The following ZNF66 variants were observed in gnomAD, a reference collection of about 807,000 sequenced individuals.
ZNF66 encodes putative zinc finger protein 66.
ZNF66 carries 32 observed loss-of-function variants against 35.2 expected under a neutral mutation model. The observed-to-expected ratio is 0.91, with a 90% CI of 0.69 to 1.22. The LOEUF (loss-of-function observed/expected upper bound fraction) is 1.22, where lower values mean the gene tolerates loss of function less well. Ranked by LOEUF, ZNF66 falls within the 50% of genes most tolerant of loss-of-function variation. The probability of loss-of-function intolerance (pLI) is 0.00; values close to 1 mark genes in which losing one functional copy is unlikely to be tolerated. For synonymous variants in ZNF66, 231 were observed against 181.3 expected (o/e 1.27, Z -2.20); for missense variants, 666 against 543.1 (o/e 1.23, Z -2.25).
At chr19:20,784,764 C>T (rs931730314) in intron 1 of ZNF66, 4 of 152,206 alleles carry the variant, frequency 2.6e-5, no homozygotes, top group Admixed American at 1.3e-4. Flanking sequence ...AGTAGCTATA[C>T]ACTTTGAGTG....
At chr19:20,777,220 A>C (rs1971203693) in intron 1 of ZNF66, among the ~76,000 whole-genome samples, 1 of 151,724 alleles carries the variant, frequency 6.6e-6, no homozygotes, top group African/African-American at 2.4e-5. Flanking sequence ...TATAGTTTGT[A>C]GTTTGTGGTC....
At chr19:20,798,964 G>A (rs1971420760) in intron 3 of ZNF66, 1 of 151,892 alleles carries the variant, frequency 6.6e-6, no homozygotes, top group Non-Finnish European at 1.5e-5. Context: ...TGTGAATACT[G>A]GTACAAAATA....
rs60295293 is a variant in ZNF66, at chr19:20,805,126, T to TGAGAGA, written c.227-681_227-676dup. 8.8e-4 allele frequency among the ~76,000 whole-genome samples: 128 copies of TGAGAGA among 146,082 alleles called. 1 individual carries two copies. Among genetic ancestry groups the TGAGAGA allele is most frequent in the African/African-American group, 3.1e-3 (122 of 39,536 alleles). ...TTACATTTGTGTGTGTGTGTGTGTG[T>TGAGAGA]GAGAGAGAGAGAGAGAGAGAGAGAG... is the stretch of plus-strand genomic sequence containing the variant. On this transcript the variant is annotated intron_variant, in intron 3 of 3. Transcript: ENST00000344519.
At position 20,793,765 on chromosome 19, in the gene ZNF66, T is replaced by C. The variant is rs777407457; in HGVS notation, c.131-18T>C. 6 of 895,708 alleles carry C rather than the reference T, an allele frequency of 6.7e-6. No individual in the cohort carries two copies. In the South Asian group the frequency reaches 1.1e-4, roughly 16 times the overall value. 55.5% of individuals were successfully genotyped at this position (895,708 alleles called of 1,614,324 possible). ...AGAATGTGAGCAAGATTCATGTTAT[T>C]TATTTTTGATAAAACAGGTATTGTT... On this transcript the variant is annotated intron_variant, in intron 2 of 3. Transcript: ENST00000344519.
Position 20,781,071 on chromosome 19 carries a change from A to G in ZNF66, c.3+4621A>G, listed in dbSNP as rs149290715. ...AGATGCTAAATCTGCAGCAGCAACC[A>G]GTTTTCTCCACCAACCTACCATTTT... On this transcript the variant is annotated intron_variant, in intron 1 of 3. Coordinates refer to ENST00000344519, the MANE Select transcript of ZNF66 (RefSeq NM_001355197.2). Among the ~76,000 whole-genome samples, 887 of 152,248 alleles carry G rather than the reference A, an allele frequency of 5.8e-3. 25 individuals are homozygous for G. The highest frequency in any genetic ancestry group is 0.037 in the Admixed American group (559 of 15,282).
chr19:20,802,441 G>C (rs1393546266), intron 3 of ZNF66, among the ~76,000 whole-genome samples: 2 of 151,730 alleles, frequency 1.3e-5, no homozygotes, highest in African/African-American at 2.4e-5. Flanking sequence ...CCAGTTTTCT[G>C]AACAAGTGCA....
rs1015338756 is a variant in ZNF66 at position 20,807,096 on chromosome 19, A to T, written c.1496A>T (p.His499Leu). The stretch of plus-strand genomic sequence containing the variant: ...AAGTGCTCCTCTATTCTTACTACAC[A>T]TAAGAGAATTCATACTGCAGATAAA... Reference protein sequence around the residue: ...AFKCSSILTTHKRIHTADKPY... With the variant: ...AFKCSSILTTLKRIHTADKPY... The change falls in exon 4 of 4, where the codon CAT (histidine) becomes CTT (leucine). Residue 499 changes from histidine to leucine, a missense_variant. Coordinates refer to ENST00000344519, the MANE Select transcript of ZNF66 (RefSeq NM_001355197.2). 1.3e-6 allele frequency: 1 copy of T among 794,972 alleles called. No homozygotes were observed. The highest frequency in any genetic ancestry group is 1.7e-5 in the African/African-American group (1 of 59,100). 49.2% of individuals were successfully genotyped at this position (794,972 alleles called of 1,614,324 possible). A position where few individuals can be genotyped will look rare whatever the true frequency, so the allele number is the denominator to read the frequency against.
chr19:20,776,517 A>T, intron 1 of ZNF66, 67 bp downstream of exon 1: 1 of 1,478,832 alleles, frequency 6.8e-7, no homozygotes, highest in Non-Finnish European at 9.4e-7. Context: ...GCCTCCCCTC[A>T]GTCAGCTCCA....
Position 20,806,824 on chromosome 19 carries a change from C to G in ZNF66, c.1224C>G (p.His408Gln), listed in dbSNP as rs750320703. Residue 408 changes from histidine to glutamine, a missense_variant, in exon 4 of 4, where the codon CAC (histidine) becomes CAG (glutamine). By Grantham distance (24) the His-to-Gln change is conservative (BLOSUM62 0). Transcript: ENST00000344519. ...AAGAATGTGGCAAAGTGTTTAAGCA[C>G]TCCTCTCCCCTTTCTAAACATAAGA... ...KCEECGKVFK[H>Q]SSPLSKHKRI... The G allele has an allele frequency of 6.1e-5, 80 of 1,301,688 alleles. No homozygotes were observed. The highest frequency in any genetic ancestry group is 1.5e-5 in the African/African-American group (1 of 68,688). The allele number at this position is 1,301,688 out of a possible 1,614,324, so 80.6% of individuals were successfully genotyped here.
intron 1 of ZNF66, among the ~76,000 whole-genome samples, chr19:20,784,335 A>G (rs914679516): frequency 6.6e-6 from 1 of 152,244 alleles, no homozygotes; most frequent in Non-Finnish European, 1.5e-5. Context: ...AGATATTTAT[A>G]TCTAATAGCC....
At chr19:20,778,782 CAAAA>C (rs561812056) in intron 1 of ZNF66, among the ~76,000 whole-genome samples, 4 of 85,372 alleles carry the variant, frequency 4.7e-5, no homozygotes, top group Non-Finnish European at 4.9e-5. Context: ...GACTTCGTCT[CAAAA>C]AAAAAAAAAA....
chr19:20,802,930 A>G (rs146757810), intron 3 of ZNF66, among the ~76,000 whole-genome samples: 22 of 152,292 alleles, frequency 1.4e-4, no homozygotes, highest in African/African-American at 5.3e-4. Context: ...GAATACATAT[A>G]TTGTTTAAAG....
intron 3 of ZNF66, among the ~76,000 whole-genome samples, chr19:20,796,578 G>A (rs404365): frequency 0.65 from 98,844 of 152,022 alleles, 32,277 homozygotes; most frequent in Non-Finnish European, 0.67. Flanking sequence ...TCTGCAAATT[G>A]TATAATTTTA....
intron 3 of ZNF66, among the ~76,000 whole-genome samples, chr19:20,797,198 T>TATTG (rs1971401980): frequency 4.0e-4 from 23 of 58,210 alleles, no homozygotes; most frequent in African/African-American, 2.0e-3. Flanking sequence ...GATTTTTTTT[T>TATTG]TTTTTTTTTT....
intron 3 of ZNF66, among the ~76,000 whole-genome samples, chr19:20,805,591 T>C (rs994032136): frequency 3.3e-5 from 5 of 152,138 alleles, no homozygotes; most frequent in African/African-American, 1.2e-4. Context: ...TGTGGCTCTT[T>C]GCATTGTACT....
In ZNF66 at chr19:20,783,669, C is replaced by CTGATTATCCAAGG. The variant is rs1317254332; in HGVS notation, c.3+7221_3+7233dup. The stretch of plus-strand genomic sequence containing the variant: ...GATACTAAGTTTCTTTGACAGAAAC[C>CTGATTATCCAAGG]TGATTATCCAAGGTAATTATCCAAT... On this transcript the variant is annotated intron_variant, in intron 1 of 3. Transcript: ENST00000344519. 5.3e-5 allele frequency among the ~76,000 whole-genome samples: 8 copies of CTGATTATCCAAGG among 152,262 alleles called. No individual in the cohort carries two copies. The East Asian group carries it at 1.4e-3, about 26-fold the overall frequency.
At chr19:20,794,163 A>G in intron 3 of ZNF66, 1 of 471,730 alleles carries the variant, frequency 2.1e-6, no homozygotes, top group South Asian at 2.2e-5. Context: ...CATATAAGAG[A>G]CAGCACAATC....
At chr19:20,804,841 T>C (rs1971484379) in intron 3 of ZNF66, among the ~76,000 whole-genome samples, 2 of 152,200 alleles carry the variant, frequency 1.3e-5, no homozygotes, top group South Asian at 4.1e-4. Context: ...ATTGGCTTAT[T>C]CATATTTCTT....
At chr19:20,781,760 G>T (rs11669965) in intron 1 of ZNF66, among the ~76,000 whole-genome samples, 14,135 of 151,838 alleles carry the variant, frequency 0.093, 671 homozygotes, top group Middle Eastern at 0.11. Context: ...AACCCACCTC[G>T]GCCTCCCAAA....
Sources: allele counts gnomAD v4.1 joint callset (sites outside exome capture counted in the v4.1 genomes callset), GRCh38; gene constraint gnomAD v4.1.1; transcripts MANE v1.5; gene names NCBI Gene and HGNC (gene_info 2026-07-23, HGNC 2026-07-21).